Variants in TULP3 observed in about 807,000 individuals in gnomAD.
TULP3 encodes tubby-related protein 3.
TULP3 carries 38 observed loss-of-function variants against 50.7 expected under a neutral mutation model. The ratio of observed to expected loss-of-function variants is 0.75; its 90% confidence interval spans 0.58 to 0.98. The LOEUF is 0.98. TULP3 is among the 50% of genes least tolerant of loss of function. TULP3 has a pLI of 0.00. For missense variants in TULP3, 550 were observed against 568.0 expected, an observed-to-expected ratio of 0.97 and a Z score of 0.32; for synonymous variants, 183 against 196.6, an observed-to-expected ratio of 0.93 and a Z score of 0.58.
At chr12:2,915,485 G>A (rs1439100268) in intron 2 of TULP3, among the ~76,000 whole-genome samples, 1 of 151,558 alleles carries the variant, frequency 6.6e-6, no homozygotes, top group Non-Finnish European at 1.5e-5. Context: ...AAAAATTTTA[G>A]TCTTACCTTC....
chr12:2,922,896 C>T (rs1309407232), intron 4 of TULP3, among the ~76,000 whole-genome samples: 1 of 148,900 alleles, frequency 6.7e-6, no homozygotes, highest in Non-Finnish European at 1.5e-5. Flanking sequence ...CTCTGTCGCG[C>T]TGGCTGGAGT....
chr12:2,937,020 A>G (rs777895512), intron 8 of TULP3, among the ~76,000 whole-genome samples: 20 of 149,452 alleles, frequency 1.3e-4, no homozygotes, highest in South Asian at 2.2e-4. Context: ...AATCGCTTGA[A>G]CCCAGGAGGT....
At chr12:2,932,175 G>C (rs558821849) in intron 6 of TULP3, among the ~76,000 whole-genome samples, 1 of 152,122 alleles carries the variant, frequency 6.6e-6, no homozygotes, top group African/African-American at 2.4e-5. Context: ...TTCCTCCCTG[G>C]AGAGGCTTCC....
intron 4 of TULP3, among the ~76,000 whole-genome samples, chr12:2,925,514 C>G (rs1375855673): frequency 6.6e-6 from 1 of 152,154 alleles, no homozygotes; most frequent in Non-Finnish European, 1.5e-5. Context: ...AGGGAAGTAG[C>G]TGGAGCCTGA....
At chr12:2,917,582 A>G (rs951885657) in intron 2 of TULP3, among the ~76,000 whole-genome samples, 14 of 152,088 alleles carry the variant, frequency 9.2e-5, no homozygotes, top group African/African-American at 3.1e-4. Context: ...TTTTCTATAG[A>G]AAATATTTTC....
In TULP3 at chr12:2,905,409, C is replaced by A. The variant is rs545359042; in HGVS notation, c.42-4120C>A. 1.2e-4 allele frequency among the ~76,000 whole-genome samples: 19 copies of A among 152,152 alleles called. 1 individual carries two copies. In the South Asian group the frequency reaches 3.9e-3, roughly 32 times the overall value. ...CCATGTTGGCCAGGATGGTCTCGAT[C>A]TCTTGACCTTGGGATCCACCTGCCT... On this transcript the variant is annotated intron_variant, in intron 1 of 10. Coordinates refer to ENST00000448120, the MANE Select transcript of TULP3 (RefSeq NM_003324.5).
At chr12:2,938,911 TCTACAGAAA>T (rs1352920218) in intron 10 of TULP3, among the ~76,000 whole-genome samples, 1 of 152,198 alleles carries the variant, frequency 6.6e-6, no homozygotes, top group African/African-American at 2.4e-5. Context: ...TGCTCTCTAT[TCTACAGAAA>T]CCTGGTGATT....
At chr12:2,896,495 G>A (rs531866912) in intron 1 of TULP3, among the ~76,000 whole-genome samples, 12 of 152,332 alleles carry the variant, frequency 7.9e-5, no homozygotes, top group Non-Finnish European at 1.8e-4. Context: ...CAGGTAGATT[G>A]GGAGTGAGAC....
intron 2 of TULP3, among the ~76,000 whole-genome samples, chr12:2,916,218 C>T (rs1321990666): frequency 6.6e-6 from 1 of 151,394 alleles, no homozygotes. Context: ...GGCATGTTGG[C>T]CTCGAATTCC....
rs1017781794 is a variant in TULP3, at chr12:2,940,394, C to T, written c.*950C>T. ...CCAGCAGACATGAGCACTGCTGGCC[C>T]GTGTGGCAGAGCTGTGGACTTTCTT... On this transcript the variant is annotated 3_prime_UTR_variant, in exon 11 of 11. Transcript: ENST00000448120. The T allele has an allele frequency of 2.7e-6, 4 of 1,458,022 alleles. No homozygotes were observed. Among genetic ancestry groups the T allele is most frequent in the Non-Finnish European group, 2.7e-6 (3 of 1,109,970 alleles). The allele number at this position is 1,458,022 out of a possible 1,614,324, so 90.3% of individuals were successfully genotyped here. A position where few individuals can be genotyped will look rare whatever the true frequency, so the allele number is the denominator to read the frequency against.
At chr12:2,921,798 A>G (rs1484506021) in intron 3 of TULP3, among the ~76,000 whole-genome samples, 1 of 152,080 alleles carries the variant, frequency 6.6e-6, no homozygotes, top group Non-Finnish European at 1.5e-5. Flanking sequence ...TAAAATGAAC[A>G]CCAGGCTGGG....
At chr12:2,895,921 T>TCTAAACAA (rs2098175323) in intron 1 of TULP3, among the ~76,000 whole-genome samples, 1 of 150,482 alleles carries the variant, frequency 6.6e-6, no homozygotes, top group South Asian at 2.1e-4. Flanking sequence ...TATCTAAACA[T>TCTAAACAA]AGCAAAGGTA....
intron 2 of TULP3, among the ~76,000 whole-genome samples, chr12:2,916,795 G>T (rs1281264383): frequency 6.6e-6 from 1 of 152,156 alleles, no homozygotes; most frequent in African/African-American, 2.4e-5. Context: ...TATGTTTAAT[G>T]GTATTTTTCT....
chr12:2,940,359 G>A lies in TULP3; in HGVS notation c.*915G>A, dbSNP rs373274187. Reference sequence around the variant, plus strand: ...AAAAAGGTGGCAGGAGAGGCTTTGGGGAGGATCAGCCAGCAGACATGAGCA... The same window carrying A: ...AAAAAGGTGGCAGGAGAGGCTTTGGAGAGGATCAGCCAGCAGACATGAGCA... On this transcript the variant is annotated 3_prime_UTR_variant, in exon 11 of 11. Coordinates refer to ENST00000448120, the MANE Select transcript of TULP3 (RefSeq NM_003324.5). The A allele has an allele frequency of 3.9e-4, 570 of 1,469,394 alleles. 4 individuals are homozygous for A. In the South Asian group the frequency reaches 5.6e-3, roughly 14 times the overall value. The allele number at this position is 1,469,394 out of a possible 1,614,324, so 91.0% of individuals were successfully genotyped here.
At position 2,937,200 on chromosome 12, in the gene TULP3, A is replaced by ATTTTTTTTTTTTTTTTTTTTTTT. The variant is rs771074689; in HGVS notation, c.925-422_925-400dup. On this transcript the variant is annotated intron_variant, in intron 8 of 10. Transcript: ENST00000448120. ...AATAAAATTATTTTTGGTACACCTG[A>ATTTTTTTTTTTTTTTTTTTTTTT]TTTTTTTTTTTTTTTTTTTTTTTTT... 5.5e-5 allele frequency among the ~76,000 whole-genome samples: 3 copies of ATTTTTTTTTTTTTTTTTTTTTTT among 54,466 alleles called. 1 individual carries two copies. The highest frequency in any genetic ancestry group is 2.2e-4 in the African/African-American group (3 of 13,456). 35.7% of individuals were successfully genotyped at this position (54,466 alleles called of 152,430 possible). A position where few individuals can be genotyped will look rare whatever the true frequency, so the allele number is the denominator to read the frequency against.
At position 2,939,447 on chromosome 12, in the gene TULP3, G is replaced by C; in HGVS notation, c.*3G>C. On this transcript the variant is annotated 3_prime_UTR_variant, in exon 11 of 11. Coordinates refer to ENST00000448120, the MANE Select transcript of TULP3 (RefSeq NM_003324.5). This position sits in a 1 kb window ranked among gnomAD's most constrained non-coding sequence, Gnocchi z 4.0. ...ACAGTAAGCTGGCGTGTGAATGAGA[G>C]AACAGTCAGGCAGGGAGCCCTTCTC... is the stretch of plus-strand genomic sequence containing the variant. 1.2e-6 allele frequency: 2 copies of C among 1,614,044 alleles called. No individual in the cohort carries two copies.
chr12:2,906,480 C>T (rs1467671108), intron 1 of TULP3, among the ~76,000 whole-genome samples: 2 of 151,400 alleles, frequency 1.3e-5, no homozygotes, highest in African/African-American at 4.9e-5. Context: ...AGGTGCATGC[C>T]GCCATGCCCA....
intron 1 of TULP3, 85 bp downstream of exon 1, chr12:2,891,073 G>T (rs1010568753): frequency 5.0e-6 from 7 of 1,404,768 alleles, no homozygotes; most frequent in Non-Finnish European, 6.6e-6. Flanking sequence ...GGAGCCCTGC[G>T]GGGAGAGGGC....
intron 2 of TULP3, among the ~76,000 whole-genome samples, chr12:2,918,301 G>A (rs1289395726): frequency 1.3e-5 from 2 of 151,390 alleles, no homozygotes; most frequent in South Asian, 2.1e-4. Context: ...TAATAGAGAC[G>A]GGGTTTCACC....
Sources: gnomAD v4.1 joint callset for allele counts (sites outside exome capture counted in the v4.1 genomes callset) on GRCh38, gnomAD v4.1.1 for gene constraint, Gnocchi (gnomAD v3.1) non-coding constraint, MANE v1.5 for transcripts, NCBI Gene and HGNC (gene_info 2026-07-23, HGNC 2026-07-21) for gene names.